Variants in ZDHHC14 observed in about 807,000 individuals in gnomAD.
ZDHHC14 encodes zDHHC palmitoyltransferase 14.
ZDHHC14 carries 16 observed loss-of-function variants against 47.7 expected under a neutral mutation model. That is an observed-to-expected ratio of 0.34 (90% CI 0.23 to 0.51). The LOEUF is 0.51. Ranked by LOEUF, ZDHHC14 falls within the 20% of genes least tolerant of loss-of-function variation. ZDHHC14 has a pLI of 0.97. For synonymous variants in ZDHHC14, 293 were observed against 278.9 expected, an observed-to-expected ratio of 1.05 and a Z score of -0.50; for missense variants, 515 against 662.5, an observed-to-expected ratio of 0.78 and a Z score of 2.44.
At chr6:157,510,991 T>G (rs1314602496) in intron 1 of ZDHHC14, among the ~76,000 whole-genome samples, 1 of 152,236 alleles carries the variant, frequency 6.6e-6, no homozygotes, top group Non-Finnish European at 1.5e-5. Context: ...CCTTTGTGGC[T>G]TAGAAATCAA....
intron 1 of ZDHHC14, among the ~76,000 whole-genome samples, chr6:157,390,674 C>T (rs546657451): frequency 6.6e-6 from 1 of 152,054 alleles, no homozygotes; most frequent in Admixed American, 6.5e-5. Flanking sequence ...ATTTTGATAT[C>T]TAATTTTTGA....
chr6:157,413,325 G>A (rs1016255086), intron 1 of ZDHHC14, among the ~76,000 whole-genome samples: 15 of 152,106 alleles, frequency 9.9e-5, no homozygotes, highest in Middle Eastern at 3.2e-3. Flanking sequence ...CTCATGATAC[G>A]CCACTGAAGA....
rs866464064 is a variant in ZDHHC14, at chr6:157,424,513, C to T, written c.245+42247C>T. Among the ~76,000 whole-genome samples, 10 of 152,298 alleles carry T rather than the reference C, an allele frequency of 6.6e-5. No homozygotes were observed. In the South Asian group the frequency reaches 8.3e-4, roughly 13 times the overall value. ...TTCTGAGGCTTTCTGAGCTTGAAGC[C>T]GTCCTGTTCTCCAAAGCTCTAAGCG... On this transcript the variant is annotated intron_variant, in intron 1 of 8. Coordinates refer to ENST00000359775, the MANE Select transcript of ZDHHC14 (RefSeq NM_024630.3).
intron 2 of ZDHHC14, among the ~76,000 whole-genome samples, chr6:157,570,804 C>CACACACACACATATATATAT (rs1783071334): frequency 6.6e-6 from 1 of 150,590 alleles, no homozygotes; most frequent in African/African-American, 2.5e-5. Flanking sequence ...CATATATATA[C>CACACACACACATATATATAT]ACACACACAC....
At chr6:157,477,204 AC>A (rs1357760576) in intron 1 of ZDHHC14, among the ~76,000 whole-genome samples, 2 of 152,040 alleles carry the variant, frequency 1.3e-5, no homozygotes, top group Admixed American at 6.6e-5. Context: ...ACATGGTGAA[AC>A]CCCGTCTCTA....
intron 1 of ZDHHC14, among the ~76,000 whole-genome samples, chr6:157,513,321 G>C (rs1354961009): frequency 6.6e-6 from 1 of 152,240 alleles, no homozygotes; most frequent in African/African-American, 2.4e-5. Flanking sequence ...TTATATGGCT[G>C]TAGGAAAGAT....
intron 2 of ZDHHC14, among the ~76,000 whole-genome samples, chr6:157,547,842 T>G (rs1381825094): frequency 6.6e-6 from 1 of 150,680 alleles, no homozygotes; most frequent in Non-Finnish European, 1.5e-5. Flanking sequence ...ATTTTTTTTG[T>G]GATTTGATTT....
chr6:157,606,631 G>C (rs1784549308), intron 3 of ZDHHC14, among the ~76,000 whole-genome samples: 1 of 152,212 alleles, frequency 6.6e-6, no homozygotes, highest in South Asian at 2.1e-4. Context: ...AAGCCGGGTG[G>C]GTGATCAGTT....
At chr6:157,541,985 T>G (rs2135206) in intron 1 of ZDHHC14, among the ~76,000 whole-genome samples, 31,819 of 152,126 alleles carry the variant, frequency 0.21, 5,410 homozygotes, top group African/African-American at 0.46. Context: ...CCCTTAAATC[T>G]TCTTCCGAAA....
chr6:157,668,200 G>A (rs1037078891), intron 8 of ZDHHC14, among the ~76,000 whole-genome samples: 2 of 152,164 alleles, frequency 1.3e-5, no homozygotes, highest in South Asian at 2.1e-4. Flanking sequence ...CAGAGAGTAG[G>A]TTCATTATTA....
At chr6:157,552,684 C>T (rs1276121234) in intron 2 of ZDHHC14, among the ~76,000 whole-genome samples, 2 of 152,174 alleles carry the variant, frequency 1.3e-5, no homozygotes, top group Non-Finnish European at 2.9e-5. Flanking sequence ...GAGTCCCAGC[C>T]ATGCTGAGCC....
Position 157,518,629 on chromosome 6 carries a change from C to G in ZDHHC14, c.246-23956C>G, listed in dbSNP as rs554980425. ...TGGGGCTCAGCTCGCCTGTCCCCGC[C>G]TTTCCCACCCTCCCTCCCAACTCAC... On this transcript the variant is annotated intron_variant, in intron 1 of 8. Coordinates refer to ENST00000359775, the MANE Select transcript of ZDHHC14 (RefSeq NM_024630.3). Among the ~76,000 whole-genome samples the G allele has an allele frequency of 2.0e-5, 3 of 149,922 alleles. No individual in the cohort carries two copies. The East Asian group carries it at 5.9e-4, about 30-fold the overall frequency.
At chr6:157,555,760 T>C (rs1562479028) in intron 2 of ZDHHC14, among the ~76,000 whole-genome samples, 1 of 152,132 alleles carries the variant, frequency 6.6e-6, no homozygotes, top group Non-Finnish European at 1.5e-5. Flanking sequence ...CCCCCACCCC[T>C]GTGTATTGCA....
chr6:157,600,435 T>G (rs1032707669), intron 3 of ZDHHC14, among the ~76,000 whole-genome samples: 1 of 152,228 alleles, frequency 6.6e-6, no homozygotes, highest in African/African-American at 2.4e-5. Flanking sequence ...TGTTTTGTAT[T>G]TTTTGTGACA....
intron 1 of ZDHHC14, among the ~76,000 whole-genome samples, chr6:157,415,242 A>G (rs1777950293): frequency 6.6e-6 from 1 of 152,174 alleles, no homozygotes; most frequent in East Asian, 1.9e-4. Context: ...AAAGCTATTA[A>G]ACAATATTGT....
At chr6:157,610,020 C>T (rs1784690872) in intron 3 of ZDHHC14, among the ~76,000 whole-genome samples, 1 of 152,230 alleles carries the variant, frequency 6.6e-6, no homozygotes, top group Admixed American at 6.5e-5. Context: ...AAGTTCATCA[C>T]AGAGGGGGCT....
intron 2 of ZDHHC14, among the ~76,000 whole-genome samples, chr6:157,590,179 G>T (rs144392781): frequency 1.3e-5 from 2 of 152,164 alleles, no homozygotes; most frequent in African/African-American, 4.8e-5. Flanking sequence ...AGATCATGCA[G>T]CAGAAAAGAA....
intron 1 of ZDHHC14, among the ~76,000 whole-genome samples, chr6:157,493,229 T>G: frequency 6.6e-6 from 1 of 150,772 alleles, no homozygotes; most frequent in Admixed American, 6.6e-5. Context: ...AAGAGAGGAG[T>G]CAAGGATGAA....
intron 4 of ZDHHC14, 188 bp downstream of exon 4, chr6:157,628,674 C>T (rs898057897): frequency 1.6e-5 from 11 of 693,140 alleles, no homozygotes; most frequent in Middle Eastern, 8.5e-4. Context: ...CCTCCGTCCC[C>T]TGTCATCCCC....
Sources: gnomAD v4.1 joint callset for allele counts (sites outside exome capture counted in the v4.1 genomes callset) on GRCh38, gnomAD v4.1.1 for gene constraint, MANE v1.5 for transcripts, NCBI Gene and HGNC (gene_info 2026-07-23, HGNC 2026-07-21) for gene names.